SGCD: variants seen among roughly 807,000 people sequenced by gnomAD.
SGCD encodes delta-sarcoglycan.
SGCD carries 18 observed loss-of-function variants against 36.6 expected under a neutral mutation model. That is an observed-to-expected ratio of 0.49 (90% CI 0.34 to 0.73). SGCD has a LOEUF of 0.73. Ranked by LOEUF, SGCD falls within the 30% of genes least tolerant of loss-of-function variation. The pLI, the probability that SGCD is intolerant of heterozygous loss-of-function variation, is 0.01. For synonymous variants in SGCD, 133 were observed against 130.6 expected (o/e 1.02, Z -0.12); for missense variants, 387 against 346.7 (o/e 1.12, Z -0.92).
intron 5 of SGCD, among the ~76,000 whole-genome samples, chr5:156,589,551 T>A (rs1249935160): frequency 6.6e-6 from 1 of 152,160 alleles, no homozygotes; most frequent in East Asian, 1.9e-4. Flanking sequence ...GAAAAAAAAT[T>A]TTTCTAAGCA....
chr5:156,379,519 T>A (rs114591426), intron 3 of SGCD, among the ~76,000 whole-genome samples: 1,946 of 152,232 alleles, frequency 0.013, 46 homozygotes, highest in African/African-American at 0.045. Context: ...AGGGACTAGA[T>A]CATGGAGTGT....
chr5:156,473,869 G>A (rs911762298), intron 3 of SGCD, among the ~76,000 whole-genome samples: 2 of 152,038 alleles, frequency 1.3e-5, no homozygotes, highest in African/African-American at 4.8e-5. Flanking sequence ...AGGCTTGAGT[G>A]CTGTATGTGT....
chr5:155,889,633 T>C (rs1171274594), intron 1 of SGCD, among the ~76,000 whole-genome samples: 1 of 152,234 alleles, frequency 6.6e-6, no homozygotes, highest in African/African-American at 2.4e-5. Context: ...AATCAAGTTG[T>C]AGAGATCTTC....
chr5:156,467,038 G>A (rs1002354880), intron 3 of SGCD, among the ~76,000 whole-genome samples: 2 of 152,084 alleles, frequency 1.3e-5, no homozygotes, highest in African/African-American at 4.8e-5. Context: ...TTTAGGCTTT[G>A]CAGGCCAGAT....
intron 1 of SGCD, among the ~76,000 whole-genome samples, chr5:155,975,609 CTTTTTTTTTTTTTTTTTTTT>C (rs763067309): frequency 6.8e-4 from 19 of 28,010 alleles, no homozygotes; most frequent in Admixed American, 3.6e-3. Context: ...TCTTTCTTTC[CTTTTTTTTTTTTTTTTTTTT>C]TTTTTTTTTT....
chr5:156,578,263 C>A (rs111596506), intron 4 of SGCD, among the ~76,000 whole-genome samples: 4,824 of 152,180 alleles, frequency 0.032, 264 homozygotes, highest in African/African-American at 0.11. Context: ...AGGAATGAAG[C>A]CACTTGATCA....
intron 3 of SGCD, among the ~76,000 whole-genome samples, chr5:156,298,818 T>G (rs1766972271): frequency 6.6e-6 from 1 of 152,168 alleles, no homozygotes; most frequent in Non-Finnish European, 1.5e-5. Context: ...ATAGAGGTAT[T>G]GGAGCTCCTA....
At chr5:156,102,569 G>C (rs1436549755) in intron 1 of SGCD, among the ~76,000 whole-genome samples, 3 of 152,174 alleles carry the variant, frequency 2.0e-5, no homozygotes, top group African/African-American at 7.2e-5. Context: ...AGCAGCTGAT[G>C]TATGCATCCA....
intron 1 of SGCD, among the ~76,000 whole-genome samples, chr5:156,101,402 C>T (rs1429281117): frequency 1.3e-5 from 2 of 152,138 alleles, no homozygotes; most frequent in Non-Finnish European, 2.9e-5. Context: ...ACTGGTATGT[C>T]CTGAGTCAAC....
rs758046399 is a variant in SGCD at position 156,164,088 on chromosome 5, G to A, written c.-44+40069G>A. 7.6e-4 allele frequency among the ~76,000 whole-genome samples: 115 copies of A among 150,626 alleles called. 1 individual carries two copies. The highest frequency in any genetic ancestry group is 1.2e-3 in the Non-Finnish European group (82 of 67,896). On this transcript the variant is annotated intron_variant, in intron 3 of 9. Transcript: ENST00000517913. ...ACGTCTGAACTTTGCCTGCCTTGGA[G>A]AATGGCAGGAAAGCTAATACCATTT...
chr5:155,890,678 A>AGATG (rs2113314862), intron 1 of SGCD, among the ~76,000 whole-genome samples: 1 of 107,138 alleles, frequency 9.3e-6, no homozygotes. Flanking sequence ...ATAGATAGAT[A>AGATG]GACAGATAGA....
intron 1 of SGCD, among the ~76,000 whole-genome samples, chr5:156,091,701 G>T (rs112865476): frequency 2.6e-5 from 4 of 152,340 alleles, no homozygotes; most frequent in African/African-American, 9.6e-5. Flanking sequence ...ATAGTGGTTT[G>T]TAAGTTAATG....
At chr5:155,973,109 C>T (rs560208108) in intron 1 of SGCD, among the ~76,000 whole-genome samples, 32 of 152,098 alleles carry the variant, frequency 2.1e-4, no homozygotes, top group Admixed American at 2.6e-4. Context: ...AAAGAATGTC[C>T]GAAAAAGTCT....
rs553885425 is a variant in SGCD, at chr5:156,594,450, G to T, written c.383-482G>T. ...ATACTAAGGAAATAAATTTCTCTTG[G>T]TGTCAAATGCAGCCAGTGGGTTAAG... On this transcript the variant is annotated intron_variant, in intron 5 of 8. Coordinates refer to ENST00000337851, the MANE Select transcript of SGCD (RefSeq NM_000337.6). 3.3e-5 allele frequency among the ~76,000 whole-genome samples: 5 copies of T among 152,240 alleles called. No homozygotes were observed. The East Asian group carries it at 9.6e-4, about 29-fold the overall frequency.
At chr5:155,805,817 T>C in the SGCD span, among the ~76,000 whole-genome samples, 4 of 152,216 alleles carry the variant, frequency 2.6e-5, no homozygotes, top group Non-Finnish European at 4.4e-5. Context: ...CAACAGAAAC[T>C]GGTGGAGTCA....
At chr5:156,362,267 G>T (rs1769836596) in intron 3 of SGCD, among the ~76,000 whole-genome samples, 1 of 152,196 alleles carries the variant, frequency 6.6e-6, no homozygotes, top group African/African-American at 2.4e-5. Context: ...ACATCAGGTG[G>T]TTCAAAATCT....
chr5:156,423,277 A>G (rs369701238), intron 3 of SGCD, among the ~76,000 whole-genome samples: 2 of 8,016 alleles, frequency 2.5e-4, no homozygotes, highest in African/African-American at 6.9e-4. Flanking sequence ...ATATAACATT[A>G]TATTATATTT....
chr5:156,630,077 G>T (rs892045741), intron 6 of SGCD, among the ~76,000 whole-genome samples: 4 of 151,826 alleles, frequency 2.6e-5, no homozygotes, highest in Admixed American at 1.3e-4. Flanking sequence ...TGGCCAGGAT[G>T]GTCTCAAACT....
the SGCD span, among the ~76,000 whole-genome samples, chr5:155,740,006 A>T: frequency 1.3e-5 from 2 of 152,192 alleles, no homozygotes; most frequent in Non-Finnish European, 2.9e-5. Context: ...TGATTTCCCC[A>T]TTATTAACCT....
Sources: allele counts gnomAD v4.1 joint callset (sites outside exome capture counted in the v4.1 genomes callset), GRCh38; gene constraint gnomAD v4.1.1; transcripts MANE v1.5; gene names NCBI Gene and HGNC (gene_info 2026-07-23, HGNC 2026-07-21).